DLGAP1: variants seen among roughly 807,000 people sequenced by gnomAD.
DLGAP1 encodes DLG associated protein 1, also known as disks large-associated protein 1.
In DLGAP1, 11 loss-of-function variants were observed where a neutral mutation model predicts 90.8. The ratio of observed to expected loss-of-function variants is 0.12; its 90% CI spans 0.08 to 0.20. DLGAP1 has a LOEUF of 0.20. Ranked by LOEUF, DLGAP1 falls within the 10% of genes least tolerant of loss-of-function variation. The pLI, the probability that DLGAP1 is intolerant of heterozygous loss-of-function variation, is 1.00. For synonymous variants in DLGAP1, 558 were observed against 540.7 expected, an observed-to-expected ratio of 1.03 and a Z score of -0.44; for missense variants, 1,050 against 1,333.8, an observed-to-expected ratio of 0.79 and a Z score of 3.31.
At chr18:4,439,582 G>T (rs112766996) in intron 1 of DLGAP1, among the ~76,000 whole-genome samples, 2,296 of 152,158 alleles carry the variant, frequency 0.015, 54 homozygotes, top group African/African-American at 0.045. Context: ...AAGGCAGGAG[G>T]ATTGCTAGAG....
chr18:3,605,742 A>T (rs1209043365), intron 7 of DLGAP1, among the ~76,000 whole-genome samples: 1 of 152,218 alleles, frequency 6.6e-6, no homozygotes, highest in Non-Finnish European at 1.5e-5. Flanking sequence ...TCTCCAGTCC[A>T]CTACTCTGAC....
At chr18:3,939,731 G>C (rs1209856965) in intron 3 of DLGAP1, among the ~76,000 whole-genome samples, 1 of 152,042 alleles carries the variant, frequency 6.6e-6, no homozygotes, top group Non-Finnish European at 1.5e-5. Context: ...AGGAGAAATT[G>C]AGATAAAAGG....
In DLGAP1 at chr18:3,793,975, G is replaced by GGGC. The variant is rs2065866790; in HGVS notation, c.1172+20081_1172+20083dup. On this transcript the variant is annotated intron_variant, in intron 5 of 12. Transcript: ENST00000315677. ...TAGGATGCAAGCTCTGTAAGGGCAG[G>GGGC]GGCTACTGCCTGTTTTGTTCACTGT... 5.9e-5 allele frequency among the ~76,000 whole-genome samples: 9 copies of GGGC among 152,288 alleles called. No individual in the cohort carries two copies. The South Asian group carries it at 1.7e-3, about 28-fold the overall frequency.
chr18:4,101,238 G>A (rs2075773667), intron 2 of DLGAP1, among the ~76,000 whole-genome samples: 1 of 152,116 alleles, frequency 6.6e-6, no homozygotes, highest in Non-Finnish European at 1.5e-5. Flanking sequence ...AGGCCACTGT[G>A]GGATTACTAA....
At chr18:3,598,461 A>G (rs781389650) in intron 7 of DLGAP1, 1 of 129,136 alleles carries the variant, frequency 7.7e-6, no homozygotes. Context: ...TTCCCCCTCC[A>G]TTACTTTTTT....
intron 2 of DLGAP1, among the ~76,000 whole-genome samples, chr18:4,113,370 C>CT (rs2076006946): frequency 6.6e-6 from 1 of 152,006 alleles, no homozygotes; most frequent in African/African-American, 2.4e-5. Context: ...TGATGTTGAA[C>CT]TTTTTTCGAA....
intron 3 of DLGAP1, among the ~76,000 whole-genome samples, chr18:3,888,944 T>C (rs1389062750): frequency 6.6e-6 from 1 of 152,152 alleles, no homozygotes; most frequent in Admixed American, 6.5e-5. Flanking sequence ...CTCGGCTAAA[T>C]GGACAGATGA....
chr18:4,226,824 C>T (rs1009007068), intron 1 of DLGAP1, among the ~76,000 whole-genome samples: 1 of 151,392 alleles, frequency 6.6e-6, no homozygotes, highest in African/African-American at 2.4e-5. Flanking sequence ...AACCAGAAAA[C>T]AAGTAACAAA....
intron 1 of DLGAP1, among the ~76,000 whole-genome samples, chr18:4,365,336 A>G (rs1014246229): frequency 6.6e-6 from 1 of 152,188 alleles, no homozygotes; most frequent in Admixed American, 6.5e-5. Context: ...AGATTTTATT[A>G]TGAAAAGTTT....
chr18:3,511,071 G>A (rs565777264), intron 10 of DLGAP1, among the ~76,000 whole-genome samples: 1 of 152,228 alleles, frequency 6.6e-6, no homozygotes, highest in East Asian at 1.9e-4. Flanking sequence ...ATTCCCTACT[G>A]GCTCCAGGAT....
chr18:4,293,099 CA>C (rs1232579269), intron 1 of DLGAP1: 11 of 152,288 alleles, frequency 7.2e-5, no homozygotes, highest in Admixed American at 7.2e-4. Context: ...TGTTTAAGGA[CA>C]AAGGTGATTA....
intron 1 of DLGAP1, among the ~76,000 whole-genome samples, chr18:4,211,590 A>G (rs1259633513): frequency 6.6e-6 from 1 of 152,138 alleles, no homozygotes; most frequent in Admixed American, 6.5e-5. Flanking sequence ...GGGACTCTCC[A>G]ATAAGACGAG....
intron 7 of DLGAP1, among the ~76,000 whole-genome samples, chr18:3,621,475 C>T (rs2146034076): frequency 6.6e-6 from 1 of 152,298 alleles, no homozygotes. Flanking sequence ...GAACTATATA[C>T]AACCTAAATG....
At position 4,342,524 on chromosome 18, in the gene DLGAP1, G is replaced by C. The variant is rs2143865400; in HGVS notation, c.-267+112482C>G. The stretch of plus-strand genomic sequence containing the variant: ...TGTTACCTCATTGCCCACTTTGAAA[G>C]ACCATATGGTGCATTTACTTGTAAA... On this transcript the variant is annotated intron_variant, in intron 1 of 12. Transcript: ENST00000315677. This position sits in a 1 kb window ranked among gnomAD's most constrained non-coding sequence, Gnocchi z 5.8. 6.6e-6 allele frequency among the ~76,000 whole-genome samples: 1 copy of C among 152,164 alleles called. No individual in the cohort carries two copies. The highest frequency in any genetic ancestry group is 1.9e-4 in the East Asian group (1 of 5,176).
chr18:3,924,167 C>G (rs929990760), intron 3 of DLGAP1, among the ~76,000 whole-genome samples: 1 of 152,208 alleles, frequency 6.6e-6, no homozygotes, highest in Non-Finnish European at 1.5e-5. Context: ...GCAACCGACT[C>G]TCTCACGTCA....
At chr18:3,773,861 T>C (rs1300726510) in intron 5 of DLGAP1, among the ~76,000 whole-genome samples, 18 of 152,178 alleles carry the variant, frequency 1.2e-4, no homozygotes, top group Non-Finnish European at 4.4e-5. Flanking sequence ...AGCCTGACAG[T>C]CAGATGTTAG....
At chr18:3,515,027 G>A (rs2050747849) in intron 10 of DLGAP1, among the ~76,000 whole-genome samples, 1 of 152,174 alleles carries the variant, frequency 6.6e-6, no homozygotes, top group Non-Finnish European at 1.5e-5. Flanking sequence ...ACAGGCATGA[G>A]TCACTGCCCC....
In DLGAP1 at chr18:4,343,101, G is replaced by A. The variant is rs188623115; in HGVS notation, c.-267+111905C>T. Among the ~76,000 whole-genome samples, 660 of 151,940 alleles carry A rather than the reference G, an allele frequency of 4.3e-3. 3 individuals are homozygous for A. The highest frequency in any genetic ancestry group is 0.015 in the African/African-American group (638 of 41,450). On this transcript the variant is annotated intron_variant, in intron 1 of 12. Coordinates refer to ENST00000315677, the MANE Select transcript of DLGAP1 (RefSeq NM_004746.4). Reference sequence around the variant, plus strand: ...GGCAGGCGGATCACGAGGTCAGGAGGTCGAGACCATCCTGTCTAACATGGT... The same window carrying A: ...GGCAGGCGGATCACGAGGTCAGGAGATCGAGACCATCCTGTCTAACATGGT...
chr18:4,035,791 A>T (rs1481449741), intron 2 of DLGAP1, among the ~76,000 whole-genome samples: 2 of 152,142 alleles, frequency 1.3e-5, no homozygotes, highest in Non-Finnish European at 2.9e-5. Context: ...CCAAGGGATC[A>T]CCTCTTTCCA....
Sources: gnomAD v4.1 joint callset for allele counts (sites outside exome capture counted in the v4.1 genomes callset) on GRCh38, gnomAD v4.1.1 for gene constraint, Gnocchi (gnomAD v3.1) non-coding constraint, MANE v1.5 for transcripts, NCBI Gene and HGNC (gene_info 2026-07-23, HGNC 2026-07-21) for gene names.